Variants in ZDHHC5 observed in about 807,000 individuals in gnomAD.
ZDHHC5 encodes the protein palmitoyltransferase ZDHHC5.
A neutral mutation model predicts 70.0 loss-of-function variants in ZDHHC5; 22 were observed. The observed-to-expected ratio is 0.31, with a 90% CI of 0.22 to 0.45. The LOEUF is 0.45. Among genes scored for constraint, ZDHHC5 ranks in the 20% least tolerant of loss-of-function variants. The probability of loss-of-function intolerance (pLI) is 1.00; values close to 1 mark genes in which losing one functional copy is unlikely to be tolerated. For synonymous variants in ZDHHC5, 313 were observed against 347.8 expected (o/e 0.90, Z 1.11); for missense variants, 746 against 926.9 (o/e 0.80, Z 2.53).
intron 10 of ZDHHC5, 28 bp from the exon 11 acceptor site, chr11:57,698,531 T>C: frequency 6.4e-7 from 1 of 1,563,340 alleles, no homozygotes; most frequent in Non-Finnish European, 8.6e-7. Context: ...AAAGGAGCAC[T>C]AAGAGCCTGC....
At chr11:57,677,283 ATTTTTTTT>A in intron 2 of ZDHHC5, among the ~76,000 whole-genome samples, 1 of 81,690 alleles carries the variant, frequency 1.2e-5, no homozygotes, top group African/African-American at 5.0e-5. Flanking sequence ...GCTTCACGTG[ATTTTTTTT>A]TTTTTTTTTT....
At position 57,698,736 on chromosome 11, in the gene ZDHHC5, C is replaced by T; in HGVS notation, c.1300C>T (p.Gln434Ter). Residue 434 changes from glutamine to a stop codon, truncating the protein, a stop_gained, in exon 11 of 12, where the codon CAG becomes TAG. Coordinates refer to ENST00000287169, the MANE Select transcript of ZDHHC5 (RefSeq NM_015457.3). LOFTEE classifies it high-confidence loss of function. ...ACGCTCCTCCAGCCTCAAGTCAGCCCAGGGCACAGGCTTTGAGCTGGGCCA... is the reference window on the plus strand; with the variant it reads ...ACGCTCCTCCAGCCTCAAGTCAGCCTAGGGCACAGGCTTTGAGCTGGGCCA... ...GSRSSSLKSA[Q>*]GTGFELGQLQ... The T allele has an allele frequency of 6.2e-7, 1 of 1,614,208 alleles. No individual in the cohort carries two copies. Among genetic ancestry groups the T allele is most frequent in the Non-Finnish European group, 8.5e-7 (1 of 1,180,024 alleles).
rs1555010332 is a variant in ZDHHC5 at position 57,700,414 on chromosome 11, A to AT, written c.*383_*384insT. 2 of 146,198 alleles carry AT rather than the reference A, an allele frequency of 1.4e-5. No homozygotes were observed. Among genetic ancestry groups the AT allele is most frequent in the Non-Finnish European group, 3.0e-5 (2 of 66,918 alleles). The allele number at this position is 146,198 out of a possible 1,614,324, so 9.1% of individuals were successfully genotyped here. A position where few individuals can be genotyped will look rare whatever the true frequency, so the allele number is the denominator to read the frequency against. ...CGTTACCAGGTGTGTGTGTACATAT[A>AT]ATATATATATATATATATTATAAAT... On this transcript the variant is annotated 3_prime_UTR_variant, in exon 12 of 12. Transcript: ENST00000287169.
chr11:57,691,162 C>T lies in ZDHHC5; in HGVS notation c.660+725C>T, dbSNP rs374803819. Among the ~76,000 whole-genome samples, 5 of 152,158 alleles carry T rather than the reference C, an allele frequency of 3.3e-5. No individual in the cohort carries two copies. In the East Asian group the frequency reaches 9.6e-4, roughly 29 times the overall value. On this transcript the variant is annotated intron_variant, in intron 6 of 11. Coordinates refer to ENST00000287169, the MANE Select transcript of ZDHHC5 (RefSeq NM_015457.3). The stretch of plus-strand genomic sequence containing the variant: ...TCTTGGCTCACTGCAACCTCTGCCT[C>T]CTGGGTTCAAGCGATTCTCCTGCCT...
At chr11:57,668,869 AC>A in intron 1 of ZDHHC5, among the ~76,000 whole-genome samples, 1 of 152,310 alleles carries the variant, frequency 6.6e-6, no homozygotes, top group East Asian at 1.9e-4. Flanking sequence ...AAAGTGTTTT[AC>A]CCACTTGGCC....
At chr11:57,678,387 G>A (rs1946100674) in intron 2 of ZDHHC5, among the ~76,000 whole-genome samples, 2 of 151,832 alleles carry the variant, frequency 1.3e-5, no homozygotes, top group Admixed American at 1.3e-4. Context: ...TGGCTAACAC[G>A]GTGAAACCCG....
chr11:57,691,718 A>G (rs1345680454), intron 6 of ZDHHC5, among the ~76,000 whole-genome samples: 1 of 152,114 alleles, frequency 6.6e-6, no homozygotes, highest in East Asian at 1.9e-4. Flanking sequence ...ATATTAATAG[A>G]TTTTTAAATT....
chr11:57,671,339 C>T lies in ZDHHC5; in HGVS notation c.-1070-682C>T, dbSNP rs531667741. ...ATTGTTACTTTTAATCATATTGGGG[C>T]AGGTGGGGCTCAGTTACCTTAGGCC... On this transcript the variant is annotated intron_variant, in intron 1 of 11. Transcript: ENST00000287169. 1.5e-4 allele frequency among the ~76,000 whole-genome samples: 23 copies of T among 152,202 alleles called. No individual in the cohort carries two copies. The South Asian group carries it at 4.6e-3, about 30-fold the overall frequency.
At chr11:57,694,577 G>A (rs1946325920) in intron 8 of ZDHHC5, among the ~76,000 whole-genome samples, 1 of 151,988 alleles carries the variant, frequency 6.6e-6, no homozygotes, top group Admixed American at 6.6e-5. Context: ...GGCTAGGCTG[G>A]TCTCAAACTC....
At chr11:57,691,400 T>C (rs919001976) in intron 6 of ZDHHC5, among the ~76,000 whole-genome samples, 14 of 152,318 alleles carry the variant, frequency 9.2e-5, no homozygotes, top group African/African-American at 3.1e-4. Flanking sequence ...GGTTTCACCA[T>C]GTTAGCCAGG....
intron 2 of ZDHHC5, 122 bp downstream of exon 2, chr11:57,673,316 G>T: frequency 1.2e-6 from 1 of 840,946 alleles, no homozygotes; most frequent in Non-Finnish European, 1.9e-6. Context: ...TCTGGTACAG[G>T]TAAATCCAAA....
rs1946386999 is a variant in ZDHHC5 at position 57,698,545 on chromosome 11, A to G, written c.1123-14A>G. On this transcript the variant is annotated splice_polypyrimidine_tract_variant and intron_variant, in intron 10 of 11. Coordinates refer to ENST00000287169, the MANE Select transcript of ZDHHC5 (RefSeq NM_015457.3). ...AAAAGGAGCACTAAGAGCCTGCTTTACTTTCTTCCTCAGTTGAGTCGTGGG... is the reference window on the plus strand; with the variant it reads ...AAAAGGAGCACTAAGAGCCTGCTTTGCTTTCTTCCTCAGTTGAGTCGTGGG... 7.0e-6 allele frequency: 11 copies of G among 1,578,096 alleles called. No individual in the cohort carries two copies. The highest frequency in any genetic ancestry group is 8.6e-6 in the Non-Finnish European group (10 of 1,164,016).
intron 1 of ZDHHC5, among the ~76,000 whole-genome samples, chr11:57,669,129 A>G (rs1014741559): frequency 1.3e-5 from 2 of 152,228 alleles, no homozygotes; most frequent in African/African-American, 4.8e-5. Flanking sequence ...TTACAAAATT[A>G]TATTGCCATG....
chr11:57,678,705 CT>C (rs774084039), intron 2 of ZDHHC5, among the ~76,000 whole-genome samples: 17 of 151,972 alleles, frequency 1.1e-4, no homozygotes, highest in Non-Finnish European at 1.6e-4. Flanking sequence ...ATAGTGAGAC[CT>C]GTCTCTACAA....
intron 1 of ZDHHC5, among the ~76,000 whole-genome samples, chr11:57,671,280 TG>T (rs1565188922): frequency 6.6e-6 from 1 of 152,236 alleles, no homozygotes; most frequent in East Asian, 1.9e-4. Context: ...CCCAAGGTGC[TG>T]GTGTTAGTTT....
chr11:57,691,044 G>A (rs948038992), intron 6 of ZDHHC5, among the ~76,000 whole-genome samples: 3 of 151,940 alleles, frequency 2.0e-5, no homozygotes, highest in Admixed American at 2.0e-4. Context: ...TAGAGATAAA[G>A]GCTGAATTTT....
intron 2 of ZDHHC5, among the ~76,000 whole-genome samples, chr11:57,678,208 A>G (rs1946097228): frequency 6.6e-6 from 1 of 152,198 alleles, no homozygotes; most frequent in Admixed American, 6.5e-5. Flanking sequence ...AGGGGAAGGT[A>G]GAGGTGGAAT....
chr11:57,686,471 G>A (rs549537010), intron 3 of ZDHHC5, among the ~76,000 whole-genome samples: 9 of 151,558 alleles, frequency 5.9e-5, no homozygotes, highest in African/African-American at 9.7e-5. Flanking sequence ...GCGTGCCACC[G>A]TGCCTGGCTA....
In ZDHHC5 at chr11:57,700,182, A is replaced by G. The variant is rs1946422701; in HGVS notation, c.*151A>G. The G allele has an allele frequency of 5.5e-6, 6 of 1,097,134 alleles. No individual in the cohort carries two copies. Among genetic ancestry groups the G allele is most frequent in the Admixed American group, 3.4e-5 (1 of 29,262 alleles). The allele number at this position is 1,097,134 out of a possible 1,614,324, so 68.0% of individuals were successfully genotyped here. A position where few individuals can be genotyped will look rare whatever the true frequency, so the allele number is the denominator to read the frequency against. On this transcript the variant is annotated 3_prime_UTR_variant, in exon 12 of 12. Transcript: ENST00000287169. The stretch of plus-strand genomic sequence containing the variant: ...GGATGAGGAGTGTTTTCTAAAATGC[A>G]GTAGGCTTGGGGAGTCGGAGAGTTG...
Sources: allele counts gnomAD v4.1 joint callset (sites outside exome capture counted in the v4.1 genomes callset), GRCh38; gene constraint gnomAD v4.1.1; transcripts MANE v1.5; gene names NCBI Gene and HGNC (gene_info 2026-07-23, HGNC 2026-07-21).